The following SPAST variants were observed in gnomAD, a reference collection of about 807,000 sequenced individuals.
SPAST encodes the protein spastin.
SPAST carries 30 observed loss-of-function variants against 76.6 expected under a neutral mutation model. The observed-to-expected ratio is 0.39, with a 90% confidence interval of 0.29 to 0.53. SPAST has a LOEUF of 0.53. Ranked by LOEUF, SPAST falls within the 20% of genes least tolerant of loss-of-function variation. The probability of loss-of-function intolerance (pLI) is 0.68; values close to 1 mark genes in which losing one functional copy is unlikely to be tolerated. For synonymous variants in SPAST, 305 were observed against 281.0 expected (o/e 1.09, Z -0.86); for missense variants, 717 against 770.5 (o/e 0.93, Z 0.82).
chr2:32,141,635 A>G (rs1468375513), intron 12 of SPAST, among the ~76,000 whole-genome samples: 1 of 152,224 alleles, frequency 6.6e-6, no homozygotes, highest in Non-Finnish European at 1.5e-5. Context: ...AGACAGATCT[A>G]CTTATATCAG....
chr2:32,096,523 A>G lies in SPAST; in HGVS notation c.587-2273A>G, dbSNP rs1217309062. ...CTATGACTCCTCCTCCAAGAAAAAA[A>G]AAATGAATTGGAGCAGGTTCACAGA... On this transcript the variant is annotated intron_variant, in intron 3 of 16. Transcript: ENST00000315285. 3.9e-5 allele frequency among the ~76,000 whole-genome samples: 6 copies of G among 152,212 alleles called. No individual in the cohort carries two copies. In the East Asian group the frequency reaches 1.2e-3, roughly 29 times the overall value.
At chr2:32,128,073 C>T (rs1431321468) in intron 8 of SPAST, 2 of 317,002 alleles carry the variant, frequency 6.3e-6, no homozygotes, top group African/African-American at 2.2e-5. Context: ...CGGCTCACTA[C>T]CATCTCTTCC....
chr2:32,139,784 G>A (rs1486186367), intron 12 of SPAST, among the ~76,000 whole-genome samples: 1 of 151,100 alleles, frequency 6.6e-6, no homozygotes, highest in Admixed American at 6.6e-5. Flanking sequence ...AGCCGAGATC[G>A]TGCCACTGCA....
intron 4 of SPAST, among the ~76,000 whole-genome samples, chr2:32,102,648 A>G (rs1366417023): frequency 6.6e-6 from 1 of 152,238 alleles, no homozygotes; most frequent in African/African-American, 2.4e-5. Flanking sequence ...CATCCCATCA[A>G]TACCTAGTTT....
chr2:32,143,244 G>T, intron 13 of SPAST, 92 bp from the exon 14 acceptor site: 1 of 774,920 alleles, frequency 1.3e-6, no homozygotes, highest in South Asian at 1.5e-5. Context: ...TCCAGCCTGG[G>T]TAACAGCACA....
chr2:32,153,386 G>C (rs1007994932), intron 16 of SPAST, among the ~76,000 whole-genome samples: 2 of 137,468 alleles, frequency 1.5e-5, no homozygotes, highest in African/African-American at 2.8e-5. Flanking sequence ...GCAATGGCAC[G>C]ATCTCGGCTC....
chr2:32,063,745 C>T lies in SPAST; in HGVS notation c.-87C>T. The T allele has an allele frequency of 2.0e-6, 3 of 1,507,310 alleles. No homozygotes were observed. The highest frequency in any genetic ancestry group is 2.7e-6 in the Non-Finnish European group (3 of 1,130,974). The allele number at this position is 1,507,310 out of a possible 1,614,324, so 93.4% of individuals were successfully genotyped here. Reference sequence around the variant, plus strand: ...GCGGGCACACGGGGGTCTGTGGCCCCCGCCGTAGCAGTGGCTGCCGCCGTC... The same window carrying T: ...GCGGGCACACGGGGGTCTGTGGCCCTCGCCGTAGCAGTGGCTGCCGCCGTC... On this transcript the variant is annotated 5_prime_UTR_variant, in exon 1 of 17. Transcript: ENST00000315285.
chr2:32,096,201 G>A lies in SPAST; in HGVS notation c.587-2595G>A, dbSNP rs548645247. Reference sequence around the variant, plus strand: ...TGTAATCCCAGTACTTTGGGAGGCCGAGGCGGGCAGATCACCTGAGGTCAG... The same window carrying A: ...TGTAATCCCAGTACTTTGGGAGGCCAAGGCGGGCAGATCACCTGAGGTCAG... On this transcript the variant is annotated intron_variant, in intron 3 of 16. Coordinates refer to ENST00000315285, the MANE Select transcript of SPAST (RefSeq NM_014946.4). Among the ~76,000 whole-genome samples the A allele has an allele frequency of 4.0e-5, 6 of 151,740 alleles. No individual in the cohort carries two copies. The East Asian group carries it at 5.8e-4, about 15-fold the overall frequency.
At chr2:32,065,053 C>T (rs1274780236) in intron 1 of SPAST, among the ~76,000 whole-genome samples, 2 of 151,708 alleles carry the variant, frequency 1.3e-5, no homozygotes, top group African/African-American at 2.4e-5. Flanking sequence ...GGAATCTCGC[C>T]CTGTCGCCCA....
At chr2:32,097,450 G>A (rs987947934) in intron 3 of SPAST, among the ~76,000 whole-genome samples, 4 of 152,062 alleles carry the variant, frequency 2.6e-5, no homozygotes, top group Non-Finnish European at 5.9e-5. Context: ...GTTTCTCTGG[G>A]TCCTTTTTAG....
At chr2:32,134,375 G>A (rs1287052278) in intron 9 of SPAST, among the ~76,000 whole-genome samples, 7 of 151,866 alleles carry the variant, frequency 4.6e-5, no homozygotes, top group African/African-American at 7.3e-5. Flanking sequence ...GGTGGCAGGC[G>A]CCTGTAATCC....
At chr2:32,147,930 CTTTTTTTTTTT>C (rs71407420) in intron 16 of SPAST, among the ~76,000 whole-genome samples, 1 of 116,460 alleles carries the variant, frequency 8.6e-6, no homozygotes, top group African/African-American at 3.3e-5. Context: ...TGCGCCCGGC[CTTTTTTTTTTT>C]TTTTTTTTGA....
chr2:32,122,613 C>T (rs1378561084), intron 7 of SPAST, among the ~76,000 whole-genome samples: 1 of 152,038 alleles, frequency 6.6e-6, no homozygotes, highest in Admixed American at 6.6e-5. Context: ...TGAGCCACCA[C>T]ACCTGGGCTG....
At chr2:32,147,115 T>TACTG (rs1679911936) in intron 15 of SPAST, 103 bp from the exon 16 acceptor site, 2 of 781,520 alleles carry the variant, frequency 2.6e-6, no homozygotes, top group African/African-American at 3.4e-5. Flanking sequence ...TAATGATTTG[T>TACTG]ACTGAATAGA....
In SPAST at chr2:32,114,557, C is replaced by T. The variant is rs896334403; in HGVS notation, c.683-81C>T. 7 of 1,049,950 alleles carry T rather than the reference C, an allele frequency of 6.7e-6. No homozygotes were observed. In the African/African-American group the frequency reaches 9.5e-5, roughly 14 times the overall value. 65.0% of individuals were successfully genotyped at this position (1,049,950 alleles called of 1,614,324 possible). On this transcript the variant is annotated intron_variant, in intron 4 of 16. Coordinates refer to ENST00000315285, the MANE Select transcript of SPAST (RefSeq NM_014946.4). Reference sequence around the variant, plus strand: ...TTTGAATTAAAAAAATATATTATTACCTTGGTTTTACAAATGTTTGCTTGT... The same window carrying T: ...TTTGAATTAAAAAAATATATTATTATCTTGGTTTTACAAATGTTTGCTTGT...
In SPAST at chr2:32,143,388, C is replaced by T; in HGVS notation, c.1589C>T (p.Thr530Ile). Residue 530 changes from threonine to isoleucine, a missense_variant, in exon 14 of 17, where the codon ACC becomes ATC. Thr to Ile is a moderately conservative substitution (Grantham distance 89). Around this residue, in one of 3 missense-constraint regions of SPAST, gnomAD observed 96 missense variants for 127.6 expected, o/e 0.75. Coordinates refer to ENST00000315285, the MANE Select transcript of SPAST (RefSeq NM_014946.4). ...TTATGTAAACAAGGAAGTCCATTGA[C>T]CCAAAAAGAACTAGCACAACTTGCT... ...NLLCKQGSPL[T>I]QKELAQLARM... The T allele has an allele frequency of 6.2e-7, 1 of 1,609,378 alleles. No homozygotes were observed. Among genetic ancestry groups the T allele is most frequent in the Non-Finnish European group, 8.5e-7 (1 of 1,176,276 alleles).
Position 32,140,131 on chromosome 2 carries a change from C to T in SPAST, c.1494-1773C>T, listed in dbSNP as rs572336641. Reference sequence around the variant, plus strand: ...CCTATCTGTAATTTTCTTCTTCATCCTTTTAAACTCTTAGGTCTTTTTGTT... The same window carrying T: ...CCTATCTGTAATTTTCTTCTTCATCTTTTTAAACTCTTAGGTCTTTTTGTT... On this transcript the variant is annotated intron_variant, in intron 12 of 16. Coordinates refer to ENST00000315285, the MANE Select transcript of SPAST (RefSeq NM_014946.4). 3.9e-5 allele frequency among the ~76,000 whole-genome samples: 6 copies of T among 152,074 alleles called. No individual in the cohort carries two copies. In the South Asian group the frequency reaches 6.2e-4, roughly 16 times the overall value.
intron 8 of SPAST, chr2:32,128,004 A>T (rs1679250700): frequency 1.1e-5 from 2 of 174,468 alleles, no homozygotes; most frequent in South Asian, 1.1e-4. Context: ...TTTTTTATTA[A>T]TTTTTTTTTT....
chr2:32,069,214 CAAA>C (rs56319240), intron 1 of SPAST, among the ~76,000 whole-genome samples: 12 of 114,686 alleles, frequency 1.0e-4, no homozygotes, highest in Non-Finnish European at 9.0e-5. Flanking sequence ...CTCCATCTCT[CAAA>C]AAAAAAAAAA....
Sources: allele counts gnomAD v4.1 joint callset (sites outside exome capture counted in the v4.1 genomes callset), GRCh38; gene constraint gnomAD v4.1.1; regional missense constraint gnomAD v4.1.1; transcripts MANE v1.5; gene names NCBI Gene and HGNC (gene_info 2026-07-23, HGNC 2026-07-21).